SLC6A20: variants seen among roughly 807,000 people sequenced by gnomAD.
SLC6A20 encodes the protein sodium- and chloride-dependent transporter XTRP3.
SLC6A20 carries 73 observed loss-of-function variants against 64.3 expected under a neutral mutation model. The ratio of observed to expected loss-of-function variants is 1.14; its 90% confidence interval spans 0.94 to 1.38. The LOEUF is 1.38. Among genes scored for constraint, SLC6A20 ranks in the 40% most tolerant of loss-of-function variants. The probability of loss-of-function intolerance (pLI) is 0.00; values close to 1 mark genes in which losing one functional copy is unlikely to be tolerated. For synonymous variants in SLC6A20, 347 were observed against 329.6 expected, an observed-to-expected ratio of 1.05 and a Z score of -0.57; for missense variants, 725 against 772.8, an observed-to-expected ratio of 0.94 and a Z score of 0.73.
intron 4 of SLC6A20, among the ~76,000 whole-genome samples, chr3:45,773,874 T>G (rs1478653495): frequency 6.6e-6 from 1 of 152,168 alleles, no homozygotes; most frequent in Non-Finnish European, 1.5e-5. Context: ...CACCCAAGAT[T>G]ATAAGAAACC....
intron 4 of SLC6A20, among the ~76,000 whole-genome samples, chr3:45,773,532 A>AT (rs139774094): frequency 2.6e-5 from 4 of 152,292 alleles, no homozygotes; most frequent in Middle Eastern, 3.4e-3. Flanking sequence ...CCAGGAATGG[A>AT]TTTTTTTCTG....
intron 7 of SLC6A20, among the ~76,000 whole-genome samples, chr3:45,767,890 A>G (rs1040782498): frequency 6.6e-6 from 1 of 152,262 alleles, no homozygotes; most frequent in Admixed American, 6.5e-5. Flanking sequence ...AGAGAAAATA[A>G]TTGTTAACCT....
At position 45,765,356 on chromosome 3, in the gene SLC6A20, G is replaced by A. The variant is rs1699756487; in HGVS notation, c.1303+181C>T. ...TGTGATGTGGAGAATGGAACGCACA[G>A]GGTGAATCACATGGCCCAGGTCCCA... On this transcript the variant is annotated intron_variant, in intron 8 of 10. Coordinates refer to ENST00000358525, the MANE Select transcript of SLC6A20 (RefSeq NM_020208.4). This position sits in a 1 kb window ranked among gnomAD's most constrained non-coding sequence, Gnocchi z 4.2. Among the ~76,000 whole-genome samples the A allele has an allele frequency of 6.6e-6, 1 of 152,180 alleles. No individual in the cohort carries two copies. The highest frequency in any genetic ancestry group is 2.4e-5 in the African/African-American group (1 of 41,444).
At chr3:45,789,954 G>A (rs1257961715) in intron 1 of SLC6A20, among the ~76,000 whole-genome samples, 2 of 152,114 alleles carry the variant, frequency 1.3e-5, no homozygotes, top group East Asian at 1.9e-4. Context: ...CACACCATAT[G>A]TTATTCTAGA....
chr3:45,793,654 C>T (rs1700295492), intron 1 of SLC6A20, among the ~76,000 whole-genome samples: 1 of 152,162 alleles, frequency 6.6e-6, no homozygotes, highest in African/African-American at 2.4e-5. Context: ...GAGAGGGGCA[C>T]AGATCCCTAA....
At chr3:45,777,244 A>AG (rs1699983948) in intron 3 of SLC6A20, among the ~76,000 whole-genome samples, 1 of 152,194 alleles carries the variant, frequency 6.6e-6, no homozygotes, top group Admixed American at 6.5e-5. Context: ...CTGTGCCAGT[A>AG]GGCAGCTGGA....
intron 3 of SLC6A20, among the ~76,000 whole-genome samples, chr3:45,778,017 G>A (rs951903353): frequency 2.6e-5 from 4 of 152,226 alleles, no homozygotes; most frequent in Admixed American, 1.3e-4. Context: ...GTTGAAGAAG[G>A]TTTAGCGTAT....
intron 4 of SLC6A20, 68 bp from the exon 5 acceptor site, chr3:45,772,683 A>G (rs1699896531): frequency 1.6e-6 from 2 of 1,251,868 alleles, no homozygotes; most frequent in Middle Eastern, 1.9e-4. Flanking sequence ...CCCATGCCCC[A>G]TGGAACACCA....
At position 45,759,012 on chromosome 3, in the gene SLC6A20, C is replaced by T. The variant is rs761266125; in HGVS notation, c.1745G>A (p.Arg582His). Residue 582 changes from arginine to histidine, a missense_variant, in exon 11 of 11, where the codon CGC becomes CAC. Arg to His is a conservative substitution (Grantham distance 29). Transcript: ENST00000358525. ...GGGGTCTGCGTCTCCCCTCTTGAGG[C>T]GACGCTGAACAAAAGTCCCCAGGGC... ...LAALGTFVQR[R>H]LKRGDADPVA 1.7e-5 allele frequency: 28 copies of T among 1,611,098 alleles called. No individual in the cohort carries two copies. Among genetic ancestry groups the T allele is most frequent in the South Asian group, 1.3e-4 (12 of 90,296 alleles).
intron 8 of SLC6A20, among the ~76,000 whole-genome samples, chr3:45,763,614 A>T (rs1470893018): frequency 1.3e-5 from 2 of 152,154 alleles, no homozygotes; most frequent in Non-Finnish European, 2.9e-5. Context: ...TTGGACCCTT[A>T]GGCCTCTGAG....
intron 8 of SLC6A20, 69 bp from the exon 9 acceptor site, chr3:45,763,141 G>A: frequency 6.3e-7 from 1 of 1,583,136 alleles, no homozygotes; most frequent in Non-Finnish European, 8.6e-7. Context: ...GTTCTCTACA[G>A]GACAGTGGGG....
At chr3:45,770,184 C>T (rs746231979) in intron 7 of SLC6A20, 25 bp downstream of exon 7, 1 of 1,613,776 alleles carries the variant, frequency 6.2e-7, no homozygotes, top group Admixed American at 1.7e-5. Flanking sequence ...AGAAGCCAGT[C>T]CTTGACCTTG....
At chr3:45,770,490 C>A (rs1313001691) in intron 6 of SLC6A20, 119 bp from the exon 7 acceptor site, 10 of 1,248,182 alleles carry the variant, frequency 8.0e-6, no homozygotes, top group African/African-American at 6.0e-5. Flanking sequence ...GCTTGGTGAT[C>A]TTTTAAAGGG....
At chr3:45,774,493 C>T (rs1256470347) in intron 4 of SLC6A20, among the ~76,000 whole-genome samples, 1 of 152,176 alleles carries the variant, frequency 6.6e-6, no homozygotes, top group African/African-American at 2.4e-5. Flanking sequence ...GGGGAAAGAG[C>T]ACCTGTGCTC....
At chr3:45,793,295 C>T (rs533634255) in intron 1 of SLC6A20, among the ~76,000 whole-genome samples, 9 of 152,310 alleles carry the variant, frequency 5.9e-5, no homozygotes, top group Middle Eastern at 3.4e-3. Flanking sequence ...CTGTTCTCAT[C>T]TCTCCATGTT....
intron 9 of SLC6A20, among the ~76,000 whole-genome samples, chr3:45,760,692 A>G (rs1454044766): frequency 6.6e-6 from 1 of 152,246 alleles, no homozygotes; most frequent in Non-Finnish European, 1.5e-5. Context: ...TACGGTTAGC[A>G]GCAGCACAAC....
chr3:45,780,066 G>T lies in SLC6A20; in HGVS notation c.297C>A (p.Ser99=), dbSNP rs774269023. 6 of 1,603,682 alleles carry T rather than the reference G, an allele frequency of 3.7e-6. No individual in the cohort carries two copies. The highest frequency in any genetic ancestry group is 3.3e-4 in the Middle Eastern group (2 of 6,048). Residue 99 remains serine, a synonymous_variant, in exon 3 of 11, where the codon TCC becomes TCA. Transcript: ENST00000358525. The stretch of plus-strand genomic sequence containing the variant: ...AGGCGTTGATGACGTTGTAGTACAT[G>T]GAGAGGAAGAAAGAGACCACCACGC... ...VASVVVSFFL[S]MYYNVINAWA... is the part of the protein sequence containing the mutation.
chr3:45,769,687 AG>A (rs948753286), intron 7 of SLC6A20, among the ~76,000 whole-genome samples: 12 of 152,178 alleles, frequency 7.9e-5, no homozygotes, highest in Admixed American at 1.3e-4. Flanking sequence ...GGAGTGCAAA[AG>A]GCTTGTTGAA....
intron 5 of SLC6A20, 23 bp from the exon 6 acceptor site, chr3:45,771,481 G>C: frequency 6.2e-7 from 1 of 1,613,096 alleles, no homozygotes; most frequent in South Asian, 1.1e-5. Flanking sequence ...CAGGGACAGG[G>C]CTGATGATCC....
Sources: gnomAD v4.1 joint callset for allele counts (sites outside exome capture counted in the v4.1 genomes callset) on GRCh38, gnomAD v4.1.1 for gene constraint, Gnocchi (gnomAD v3.1) non-coding constraint, MANE v1.5 for transcripts, NCBI Gene and HGNC (gene_info 2026-07-23, HGNC 2026-07-21) for gene names.